The following OMA1 variants were observed in gnomAD, a reference collection of about 807,000 sequenced individuals.
OMA1 encodes metalloendopeptidase OMA1, mitochondrial.
Under a neutral mutation model 30.9 loss-of-function variants are expected in OMA1, and 38 were observed. That is an observed-to-expected ratio of 1.23 (90% CI 0.95 to 1.61). The LOEUF (loss-of-function observed/expected upper bound fraction) is 1.61, where lower values mean the gene tolerates loss of function less well. Ranked by LOEUF, OMA1 falls within the 40% of genes most tolerant of loss-of-function variation. The pLI is 0.00. For missense variants in OMA1, 461 were observed against 349.2 expected (o/e 1.32, Z -2.55); for synonymous variants, 173 against 121.9 (o/e 1.42, Z -2.76).
intron 8 of OMA1, among the ~76,000 whole-genome samples, chr1:58,489,255 T>G (rs1645632199): frequency 6.6e-6 from 1 of 152,158 alleles, no homozygotes; most frequent in African/African-American, 2.4e-5. Flanking sequence ...AATACTGCAA[T>G]TTTCCGACGG....
chr1:58,490,896 C>T (rs919587015), intron 8 of OMA1, among the ~76,000 whole-genome samples: 5 of 144,296 alleles, frequency 3.5e-5, no homozygotes, highest in African/African-American at 1.3e-4. Context: ...AGCTCTGCCT[C>T]CTGGGTTCAC....
intron 3 of OMA1, among the ~76,000 whole-genome samples, chr1:58,534,743 T>C (rs943527653): frequency 6.6e-6 from 1 of 152,194 alleles, no homozygotes; most frequent in Non-Finnish European, 1.5e-5. Flanking sequence ...AAGACCAGCC[T>C]GGGCAACATG....
At chr1:58,521,132 C>T (rs1313944089) in intron 7 of OMA1, among the ~76,000 whole-genome samples, 2 of 151,988 alleles carry the variant, frequency 1.3e-5, no homozygotes, top group Non-Finnish European at 2.9e-5. Flanking sequence ...AAATCGAAAA[C>T]AAAAGGTAAC....
chr1:58,532,314 C>G (rs902274083), intron 5 of OMA1, among the ~76,000 whole-genome samples: 1 of 152,128 alleles, frequency 6.6e-6, no homozygotes, highest in Non-Finnish European at 1.5e-5. Flanking sequence ...TACTACTGTT[C>G]TTGCACTGAT....
At position 58,541,225 on chromosome 1, in the gene OMA1, C is replaced by T. The variant is rs545789533; in HGVS notation, c.-16-1915G>A. On this transcript the variant is annotated intron_variant, in intron 1 of 8. Transcript: ENST00000371226. ...AGGAGAATCGCTTGAACCCGGGAGG[C>T]GGAGGTTGCAGTGAGCCGAGATGAC... Among the ~76,000 whole-genome samples, 20 of 126,124 alleles carry T rather than the reference C, an allele frequency of 1.6e-4. No individual in the cohort carries two copies. In the South Asian group the frequency reaches 4.9e-3, roughly 31 times the overall value. 82.7% of individuals were successfully genotyped at this position (126,124 alleles called of 152,430 possible). A position where few individuals can be genotyped will look rare whatever the true frequency, so the allele number is the denominator to read the frequency against.
At chr1:58,494,713 A>T (rs1457141509) in intron 8 of OMA1, among the ~76,000 whole-genome samples, 15 of 152,140 alleles carry the variant, frequency 9.9e-5, no homozygotes, top group Admixed American at 8.5e-4. Flanking sequence ...TCAAAACCAC[A>T]ATGAGATACC....
At chr1:58,489,595 T>C (rs2100370467) in intron 8 of OMA1, among the ~76,000 whole-genome samples, 1 of 152,332 alleles carries the variant, frequency 6.6e-6, no homozygotes, top group Non-Finnish European at 1.5e-5. Flanking sequence ...AAGAGAGTAG[T>C]GGTTCTCCCA....
rs1457412446 is a variant in OMA1 at position 58,511,588 on chromosome 1, C to T, written c.1216-5379G>A. Among the ~76,000 whole-genome samples, 3 of 152,032 alleles carry T rather than the reference C, an allele frequency of 2.0e-5. No individual in the cohort carries two copies. In the East Asian group the frequency reaches 5.8e-4, roughly 29 times the overall value. On this transcript the variant is annotated intron_variant, in intron 7 of 8. Coordinates refer to ENST00000371226, the MANE Select transcript of OMA1 (RefSeq NM_145243.5). ...AGGCTAGAGTAAGCTGTGATCACATCACTGCACTCTAGCCTGGGTAACAGA... is the reference window on the plus strand; with the variant it reads ...AGGCTAGAGTAAGCTGTGATCACATTACTGCACTCTAGCCTGGGTAACAGA...
intron 6 of OMA1, among the ~76,000 whole-genome samples, chr1:58,528,475 T>A (rs1460953244): frequency 6.6e-6 from 1 of 152,254 alleles, no homozygotes; most frequent in Non-Finnish European, 1.5e-5. Context: ...TGCTTTAAAT[T>A]AATGATTCTA....
At chr1:58,501,567 C>A (rs1167120636) in intron 8 of OMA1, among the ~76,000 whole-genome samples, 1 of 152,152 alleles carries the variant, frequency 6.6e-6, no homozygotes, top group Non-Finnish European at 1.5e-5. Context: ...TTGCTCCTGC[C>A]CCACAGCCTT....
chr1:58,532,203 A>G (rs1646444547), intron 5 of OMA1, among the ~76,000 whole-genome samples: 1 of 152,234 alleles, frequency 6.6e-6, no homozygotes, highest in African/African-American at 2.4e-5. Flanking sequence ...GAGACTCCCA[A>G]AAGAGAAAAT....
chr1:58,533,868 T>G (rs1250268476), intron 5 of OMA1, 85 bp downstream of exon 5: 1 of 780,134 alleles, frequency 1.3e-6, no homozygotes. Context: ...TTAAAAAACC[T>G]GAAAAAAATC....
intron 6 of OMA1, among the ~76,000 whole-genome samples, chr1:58,529,878 T>TTTTTAA (rs1646407154): frequency 6.6e-6 from 1 of 152,050 alleles, no homozygotes; most frequent in Non-Finnish European, 1.5e-5. Flanking sequence ...CATGCTTTTA[T>TTTTTAA]TTTTATTTTT....
intron 8 of OMA1, among the ~76,000 whole-genome samples, chr1:58,492,682 C>G (rs1323315135): frequency 6.6e-6 from 1 of 152,162 alleles, no homozygotes; most frequent in Non-Finnish European, 1.5e-5. Context: ...TGGATAAATT[C>G]CTGGACACAT....
At chr1:58,528,668 A>G (rs1483379370) in intron 6 of OMA1, among the ~76,000 whole-genome samples, 1 of 152,190 alleles carries the variant, frequency 6.6e-6, no homozygotes, top group Admixed American at 6.5e-5. Context: ...CCAAAGTGTG[A>G]GTAGTGCTGA....
chr1:58,486,391 G>A (rs1645576435), intron 8 of OMA1, among the ~76,000 whole-genome samples: 1 of 152,084 alleles, frequency 6.6e-6, no homozygotes, highest in African/African-American at 2.4e-5. Context: ...TATTTCCTGC[G>A]ACCATCTTTC....
intron 7 of OMA1, among the ~76,000 whole-genome samples, chr1:58,518,318 G>T: frequency 9.0e-6 from 1 of 110,614 alleles, no homozygotes; most frequent in South Asian, 3.5e-4. Context: ...GAGAAGAGAA[G>T]AGAAGAGAAG....
At chr1:58,541,881 T>C (rs1646627329) in intron 1 of OMA1, among the ~76,000 whole-genome samples, 2 of 152,210 alleles carry the variant, frequency 1.3e-5, no homozygotes, top group South Asian at 4.1e-4. Flanking sequence ...GCAATCATTG[T>C]ATCTCAGTGA....
Position 58,541,108 on chromosome 1 carries a change from G to C in OMA1, c.-16-1798C>G, listed in dbSNP as rs865847510. Reference sequence around the variant, plus strand: ...GTGGATCATTTGAGGTCAGGCATTCGAGGCGTGAAACCCCGTCTCTACTAA... The same window carrying C: ...GTGGATCATTTGAGGTCAGGCATTCCAGGCGTGAAACCCCGTCTCTACTAA... On this transcript the variant is annotated intron_variant, in intron 1 of 8. Transcript: ENST00000371226. Among the ~76,000 whole-genome samples, 24 of 4,412 alleles carry C rather than the reference G, an allele frequency of 5.4e-3. No homozygotes were observed. The East Asian group carries it at 0.23, about 42-fold the overall frequency. The allele number at this position is 4,412 out of a possible 152,430, so 2.9% of individuals were successfully genotyped here. A position where few individuals can be genotyped will look rare whatever the true frequency, so the allele number is the denominator to read the frequency against.
Sources: allele counts gnomAD v4.1 joint callset (sites outside exome capture counted in the v4.1 genomes callset), GRCh38; gene constraint gnomAD v4.1.1; transcripts MANE v1.5; gene names NCBI Gene and HGNC (gene_info 2026-07-23, HGNC 2026-07-21).